Variants in ZNF638 observed in about 807,000 individuals in gnomAD.
ZNF638 encodes zinc finger protein 638, also known as CTCL tumor antigen se33-1.
ZNF638 carries 46 observed loss-of-function variants against 195.6 expected under a neutral mutation model. The observed-to-expected ratio is 0.24, with a 90% CI of 0.19 to 0.30. The LOEUF (loss-of-function observed/expected upper bound fraction) is 0.30, where lower values mean the gene tolerates loss of function less well. ZNF638 is among the 10% of genes least tolerant of loss of function. The pLI is 1.00. For missense variants in ZNF638, 2,440 were observed against 2,325.3 expected (o/e 1.05, Z -1.01); for synonymous variants, 845 against 772.0 (o/e 1.09, Z -1.57).
At chr2:71,408,078 A>G (rs775796778) in intron 19 of ZNF638, 44 bp from the exon 20 acceptor site, 42 of 1,574,468 alleles carry the variant, frequency 2.7e-5, no homozygotes, top group African/African-American at 4.1e-5. Flanking sequence ...TCTAATTCCA[A>G]TTTTTTTAAA....
At chr2:71,401,524 A>G (rs935728546) in intron 15 of ZNF638, among the ~76,000 whole-genome samples, 1 of 152,164 alleles carries the variant, frequency 6.6e-6, no homozygotes, top group African/African-American at 2.4e-5. Flanking sequence ...GAAAGGAAGC[A>G]GTTGTAGCCA....
intron 21 of ZNF638, among the ~76,000 whole-genome samples, chr2:71,419,242 T>G (rs74690497): frequency 6.6e-6 from 1 of 152,298 alleles, no homozygotes; most frequent in South Asian, 2.1e-4. Context: ...ATATCCTCCT[T>G]ATCACCACCC....
chr2:71,376,007 TAACATAGTTAAGG>T (rs1276733468), intron 8 of ZNF638: 9 of 152,198 alleles, frequency 5.9e-5, no homozygotes, highest in Admixed American at 5.2e-4. Context: ...TCTAAACAGT[TAACATAGTTAAGG>T]AACATAGGTA....
chr2:71,365,129 T>C (rs1057152010), intron 5 of ZNF638, among the ~76,000 whole-genome samples: 1 of 152,242 alleles, frequency 6.6e-6, no homozygotes, highest in East Asian at 1.9e-4. Flanking sequence ...ACCTAACATA[T>C]GAATTGATAA....
Position 71,426,952 on chromosome 2 carries a change from A to G in ZNF638, c.5083A>G (p.Asn1695Asp), listed in dbSNP as rs199561881. Residue 1695 changes from asparagine to aspartate, a missense_variant, in exon 24 of 28, where the codon AAT becomes GAT. Transcript: ENST00000264447. Reference protein sequence around the residue: ...EIGEVEELPLNESADITFATL... With the variant: ...EIGEVEELPLDESADITFATL... ...TGGAGAAGTGGAAGAGCTACCTTTG[A>G]ATGAGTCAGCAGACATAACTTTTGC... The G allele has an allele frequency of 1.2e-6, 2 of 1,613,750 alleles. No individual in the cohort carries two copies. Among genetic ancestry groups the G allele is most frequent in the Non-Finnish European group, 1.7e-6 (2 of 1,179,850 alleles).
chr2:71,429,550 C>G (rs917615755), intron 25 of ZNF638, among the ~76,000 whole-genome samples: 16 of 152,090 alleles, frequency 1.1e-4, no homozygotes, highest in African/African-American at 3.6e-4. Flanking sequence ...AAAATTTGGC[C>G]AAGTTTTTCC....
At chr2:71,431,264 A>G (rs1014317758) in intron 25 of ZNF638, 63 bp from the exon 26 acceptor site, 75 of 1,403,270 alleles carry the variant, frequency 5.3e-5, no homozygotes, top group African/African-American at 8.6e-5. Flanking sequence ...GAATTATCCA[A>G]TGTTAACTTT....
intron 17 of ZNF638, among the ~76,000 whole-genome samples, chr2:71,404,711 A>G (rs1316642328): frequency 6.6e-6 from 1 of 152,166 alleles, no homozygotes; most frequent in Non-Finnish European, 1.5e-5. Flanking sequence ...AGGGAGACCT[A>G]GTCTCTAAAA....
At chr2:71,339,982 C>A (rs1573015513) in intron 1 of ZNF638, among the ~76,000 whole-genome samples, 1 of 152,252 alleles carries the variant, frequency 6.6e-6, no homozygotes, top group East Asian at 1.9e-4. Flanking sequence ...GTATATCTTA[C>A]AATAGCCCAT....
chr2:71,380,879 C>A (rs534070158), intron 10 of ZNF638: 2 of 194,316 alleles, frequency 1.0e-5, no homozygotes, highest in South Asian at 1.7e-4. Context: ...CCCGATAAAC[C>A]CACAAGACAC....
chr2:71,360,931 CT>C (rs1437095883), intron 3 of ZNF638, among the ~76,000 whole-genome samples: 1 of 152,140 alleles, frequency 6.6e-6, no homozygotes, highest in East Asian at 1.9e-4. Context: ...TCTTTCTGCT[CT>C]GGGCAGCAGA....
At chr2:71,385,800 A>G (rs1330328785) in intron 10 of ZNF638, among the ~76,000 whole-genome samples, 3 of 152,220 alleles carry the variant, frequency 2.0e-5, no homozygotes, top group African/African-American at 4.8e-5. Context: ...TGAATTTACA[A>G]TTATCTCAAA....
intron 10 of ZNF638, among the ~76,000 whole-genome samples, chr2:71,387,252 A>T (rs996861790): frequency 6.6e-6 from 1 of 152,242 alleles, no homozygotes; most frequent in African/African-American, 2.4e-5. Context: ...AGGACAGAAG[A>T]GAGTCCAGAG....
chr2:71,434,561 G>T (rs2080729295), intron 27 of ZNF638, among the ~76,000 whole-genome samples, 181 bp from the exon 28 acceptor site: 1 of 152,010 alleles, frequency 6.6e-6, no homozygotes, highest in African/African-American at 2.4e-5. Context: ...TGTAATACCT[G>T]GTGTGTCATA....
At chr2:71,420,934 T>G (rs1042509180) in intron 21 of ZNF638, among the ~76,000 whole-genome samples, 3 of 152,180 alleles carry the variant, frequency 2.0e-5, no homozygotes, top group Non-Finnish European at 2.9e-5. Context: ...TGAGTAGACC[T>G]GTGTTCTCTG....
chr2:71,399,542 G>T lies in ZNF638; in HGVS notation c.2501-17G>T, dbSNP rs2079962868. ...TAACAAGACCTTTAGAATAATGGCT[G>T]ACTGTACTTTTACAAGCAAAATCTG... On this transcript the variant is annotated splice_polypyrimidine_tract_variant and intron_variant, in intron 12 of 27. Transcript: ENST00000264447. 1.9e-6 allele frequency: 3 copies of T among 1,574,618 alleles called. No homozygotes were observed. The highest frequency in any genetic ancestry group is 1.4e-5 in the African/African-American group (1 of 69,750).
intron 20 of ZNF638, among the ~76,000 whole-genome samples, chr2:71,411,371 A>C (rs2152588786): frequency 6.6e-6 from 1 of 151,464 alleles, no homozygotes; most frequent in East Asian, 1.9e-4. Context: ...TCTGGAAATA[A>C]TACCAGCACT....
intron 10 of ZNF638, chr2:71,393,491 C>G (rs201545017): frequency 1.4e-5 from 10 of 717,784 alleles, no homozygotes; most frequent in Non-Finnish European, 2.3e-5. Flanking sequence ...CTGCAGGACC[C>G]GCAGCTCCAG....
chr2:71,351,239 G>T (rs2078935053), intron 2 of ZNF638, among the ~76,000 whole-genome samples: 1 of 152,120 alleles, frequency 6.6e-6, no homozygotes, highest in Non-Finnish European at 1.5e-5. Context: ...TTTTCTTCCA[G>T]TGCTGCCTTT....
Sources: gnomAD v4.1 joint callset for allele counts (sites outside exome capture counted in the v4.1 genomes callset) on GRCh38, gnomAD v4.1.1 for gene constraint, MANE v1.5 for transcripts, NCBI Gene and HGNC (gene_info 2026-07-23, HGNC 2026-07-21) for gene names.